TOP1MT: variants seen among roughly 807,000 people sequenced by gnomAD.
The protein encoded by TOP1MT is DNA topoisomerase I mitochondrial.
TOP1MT carries 80 observed loss-of-function variants against 73.9 expected under a neutral mutation model. The ratio of observed to expected loss-of-function variants is 1.08; its 90% CI spans 0.90 to 1.30. The LOEUF is 1.30. Ranked by LOEUF, TOP1MT falls within the 50% of genes most tolerant of loss-of-function variation. TOP1MT has a pLI of 0.00. For synonymous variants in TOP1MT, 338 were observed against 326.4 expected (o/e 1.04, Z -0.38); for missense variants, 815 against 808.0 (o/e 1.01, Z -0.10).
chr8:143,352,459 G>T (rs77850761), intron 1 of TOP1MT, among the ~76,000 whole-genome samples: 6,291 of 152,256 alleles, frequency 0.041, 440 homozygotes, highest in African/African-American at 0.14. Flanking sequence ...TCAACAAGGG[G>T]TGCGGACTGT....
chr8:143,347,401 C>T (rs911963139), upstream of TOP1MT, among the ~76,000 whole-genome samples: 4 of 152,078 alleles, frequency 2.6e-5, no homozygotes, highest in African/African-American at 7.2e-5. Context: ...GTGATCCGCC[C>T]GCCTTGGCCT....
upstream of TOP1MT, among the ~76,000 whole-genome samples, chr8:143,359,013 T>G (rs754699744): frequency 6.6e-6 from 1 of 151,062 alleles, no homozygotes; most frequent in Non-Finnish European, 1.5e-5. Flanking sequence ...TTCTGTTTTT[T>G]GGTTTTTTTT....
intron 7 of TOP1MT, among the ~76,000 whole-genome samples, chr8:143,321,717 C>CAT: frequency 7.6e-6 from 1 of 131,668 alleles, no homozygotes; most frequent in Non-Finnish European, 1.6e-5. Context: ...ATGCCACACA[C>CAT]GCACGCCACA....
chr8:143,342,824 A>T (rs751044914), intron 2 of TOP1MT, among the ~76,000 whole-genome samples: 1 of 115,438 alleles, frequency 8.7e-6, no homozygotes, highest in Non-Finnish European at 2.0e-5. Flanking sequence ...TCGCTCTGTC[A>T]CCCAGGCTGG....
rs1817374763 is a variant in TOP1MT at position 143,354,526 on chromosome 8, A to G, written c.-39+1439T>C. 2.6e-5 allele frequency among the ~76,000 whole-genome samples: 4 copies of G among 152,232 alleles called. No homozygotes were observed. In the South Asian group the frequency reaches 8.3e-4, roughly 32 times the overall value. ...TCGGGAGTTTGAGACCAGCCTGACC[A>G]ACATGGAGAAACCCCGTCTCTACTA... On this transcript the variant is annotated intron_variant, in intron 1 of 5. Transcript: ENST00000518760.
At chr8:143,310,004 C>T (rs781122581) in intron 13 of TOP1MT, 64 bp downstream of exon 13, 1 of 1,598,192 alleles carries the variant, frequency 6.3e-7, no homozygotes, top group African/African-American at 1.3e-5. Flanking sequence ...TGAACAGAGG[C>T]CTCCTGGAAA....
chr8:143,342,215 C>G (rs1167572400), intron 2 of TOP1MT, among the ~76,000 whole-genome samples: 1 of 122,222 alleles, frequency 8.2e-6, no homozygotes, highest in African/African-American at 4.2e-5. Flanking sequence ...TTATTAGAGA[C>G]AGAGTCTCGC....
chr8:143,325,683 C>A (rs2130235890), intron 4 of TOP1MT, 150 bp from the exon 5 acceptor site: 1 of 747,216 alleles, frequency 1.3e-6, no homozygotes, highest in East Asian at 2.7e-5. Flanking sequence ...GTTGCAGGGG[C>A]AGGGGACAGT....
chr8:143,346,375 T>C (rs1187474132), upstream of TOP1MT, among the ~76,000 whole-genome samples: 1 of 152,216 alleles, frequency 6.6e-6, no homozygotes, highest in Non-Finnish European at 1.5e-5. Flanking sequence ...ACCCAGAAAC[T>C]TAGTTCTTGG....
Position 143,329,399 on chromosome 8 carries a change from T to C in TOP1MT, c.311A>G (p.Tyr104Cys), listed in dbSNP as rs142573344. The change falls in exon 3 of 14, where the codon TAC (tyrosine) becomes TGC (cysteine). Residue 104 changes from tyrosine to cysteine, a missense_variant. Tyr to Cys is a radical substitution (Grantham distance 194). This residue lies in a region of TOP1MT where 751 missense variants were observed against 725.4 expected (regional missense o/e 1.04). Transcript: ENST00000329245. Reference sequence around the variant, plus strand: ...CTTCCGGAAAACCTCCTTTGTTGTGTATTCATGATCTAACATCCTCCCATA... The same window carrying C: ...CTTCCGGAAAACCTCCTTTGTTGTGCATTCATGATCTAACATCCTCCCATA... ...TFYGRMLDHE[Y>C]TTKEVFRKNF... is the part of the protein sequence containing the mutation. 1.3e-5 allele frequency: 21 copies of C among 1,610,286 alleles called. No individual in the cohort carries two copies. In the African/African-American group the frequency reaches 1.7e-4, roughly 13 times the overall value.
upstream of TOP1MT, among the ~76,000 whole-genome samples, chr8:143,336,276 A>G (rs1478436386): frequency 6.6e-6 from 1 of 152,136 alleles, no homozygotes; most frequent in Non-Finnish European, 1.5e-5. Context: ...TTCAGGTGTG[A>G]GCCGATGCCC....
chr8:143,325,672 G>C, intron 4 of TOP1MT, 139 bp from the exon 5 acceptor site: 1 of 793,194 alleles, frequency 1.3e-6, no homozygotes, highest in Middle Eastern at 3.2e-4. Flanking sequence ...AATCCATGGA[G>C]GTTGCAGGGG....
rs79414304 is a variant in TOP1MT, at chr8:143,329,887, G to A, written c.239-416C>T. Among the ~76,000 whole-genome samples, 540 of 152,196 alleles carry A rather than the reference G, an allele frequency of 3.5e-3. 1 individual carries two copies. Among genetic ancestry groups the A allele is most frequent in the African/African-American group, 0.012 (491 of 41,504 alleles). On this transcript the variant is annotated intron_variant, in intron 2 of 13. Transcript: ENST00000329245. ...TAGGTGTACCCTTTTACAACTCTGC[G>A]GCCTCTGTCCCACCATTCCCTGCAT...
intron 2 of TOP1MT, among the ~76,000 whole-genome samples, chr8:143,342,329 T>TGGAGTGCA (rs1563771468): frequency 2.9e-5 from 4 of 139,882 alleles, no homozygotes; most frequent in Non-Finnish European, 5.9e-5. Flanking sequence ...AGAGTCTCGC[T>TGGAGTGCA]GTTATTATTA....
Position 143,321,056 on chromosome 8 carries a change from C to T in TOP1MT, c.1146+145G>A, listed in dbSNP as rs1380197865. On this transcript the variant is annotated intron_variant, in intron 8 of 13. Transcript: ENST00000329245. ...CACAGCCTCTCCTTCACCTTTACCCCGATCAGCCCCGGCACAGCAGGCCTC... is the reference window on the plus strand; with the variant it reads ...CACAGCCTCTCCTTCACCTTTACCCTGATCAGCCCCGGCACAGCAGGCCTC... The T allele has an allele frequency of 5.4e-5, 44 of 817,732 alleles. 3 individuals carry two copies. In the South Asian group the frequency reaches 7.0e-4, roughly 13 times the overall value. 50.7% of individuals were successfully genotyped at this position (817,732 alleles called of 1,614,324 possible).
chr8:143,317,251 C>T (rs1235711566), intron 10 of TOP1MT, among the ~76,000 whole-genome samples: 1 of 152,150 alleles, frequency 6.6e-6, no homozygotes, highest in Non-Finnish European at 1.5e-5. Context: ...AGGCCCTCGC[C>T]AAGCTTAGAC....
At chr8:143,345,912 G>A (rs114929906), upstream of TOP1MT, among the ~76,000 whole-genome samples, 189 of 152,324 alleles carry the variant, frequency 1.2e-3, 1 homozygote, top group African/African-American at 4.4e-3. Flanking sequence ...CAGCACATCC[G>A]CAGGAAACAC....
Position 143,312,960 on chromosome 8 carries a change from C to T in TOP1MT, c.1554-2743G>A, listed in dbSNP as rs1422122744. On this transcript the variant is annotated intron_variant, in intron 12 of 13. Coordinates refer to ENST00000329245, the MANE Select transcript of TOP1MT (RefSeq NM_052963.3). ...AGTTGTGGCCGTTGGCACCTGTGGT[C>T]CCAGCTACTCAGGAGGCTGAGGCGG... 3.3e-5 allele frequency among the ~76,000 whole-genome samples: 5 copies of T among 152,252 alleles called. No individual in the cohort carries two copies. In the East Asian group the frequency reaches 7.7e-4, roughly 23 times the overall value.
chr8:143,327,973 G>A (rs1035187293), intron 3 of TOP1MT, among the ~76,000 whole-genome samples: 1 of 152,172 alleles, frequency 6.6e-6, no homozygotes, highest in Non-Finnish European at 1.5e-5. Flanking sequence ...AAACATAGGA[G>A]GAAATCTCTG....
Sources: gnomAD v4.1 joint callset for allele counts (sites outside exome capture counted in the v4.1 genomes callset) on GRCh38, gnomAD v4.1.1 for gene constraint, gnomAD v4.1.1 regional missense constraint, MANE v1.5 for transcripts, NCBI Gene and HGNC (gene_info 2026-07-23, HGNC 2026-07-21) for gene names.